ZNF518B: variants seen among roughly 807,000 people sequenced by gnomAD.
ZNF518B encodes the protein zinc finger protein 518B.
Under a neutral mutation model 56.3 loss-of-function variants are expected in ZNF518B, and 23 were observed. That is an observed-to-expected ratio of 0.41 (90% CI 0.29 to 0.58). The LOEUF is 0.58. Ranked by LOEUF, ZNF518B falls within the 20% of genes least tolerant of loss-of-function variation. The pLI, the probability that ZNF518B is intolerant of heterozygous loss-of-function variation, is 0.32. For missense variants in ZNF518B, 1,460 were observed against 1,272.1 expected, an observed-to-expected ratio of 1.15 and a Z score of -2.25; for synonymous variants, 529 against 465.9, an observed-to-expected ratio of 1.14 and a Z score of -1.74.
chr4:10,442,328 TTA>T lies in ZNF518B; in HGVS notation c.*774_*775del, dbSNP rs1470826198. ...TGGTAAGGGCAAAGAGAAAATAGTT[TTA>T]GATATTTTCCTTTTGTAATCTCTTT... On this transcript the variant is annotated 3_prime_UTR_variant, in exon 3 of 3. Transcript: ENST00000326756. 3 of 152,234 alleles carry T rather than the reference TTA, an allele frequency of 2.0e-5. No homozygotes were observed. Among genetic ancestry groups the T allele is most frequent in the Admixed American group, 1.3e-4 (2 of 15,288 alleles). 9.4% of individuals were successfully genotyped at this position (152,234 alleles called of 1,614,324 possible).
intron 2 of ZNF518B, among the ~76,000 whole-genome samples, chr4:10,448,596 C>G (rs1037357141): frequency 6.6e-5 from 10 of 151,970 alleles, no homozygotes; most frequent in African/African-American, 2.4e-4. Context: ...CAGACTTGCT[C>G]TATCTTAAGT....
At chr4:10,459,513 C>G (rs554330961), upstream of ZNF518B, among the ~76,000 whole-genome samples, 1 of 152,214 alleles carries the variant, frequency 6.6e-6, no homozygotes, top group East Asian at 1.9e-4. Context: ...CTAATATCCC[C>G]CACCCCCAAC....
In ZNF518B at chr4:10,443,774, G is replaced by A; in HGVS notation, c.2555C>T (p.Ala852Val). ...PLRPKLRKES[A>V]VCSTIHRKTG... ...TTTTCTATGGATGGTGCTACAGACA[G>A]CACTCTCTTTTCTCAGTTTAGGCCG... Residue 852 changes from alanine (A) to valine (V), a missense_variant, in exon 3 of 3, where the codon GCT becomes GTT. By Grantham distance (64) the Ala-to-Val change is moderately conservative. Coordinates refer to ENST00000326756, the MANE Select transcript of ZNF518B (RefSeq NM_053042.3). 1 of 1,614,162 alleles carries A rather than the reference G, an allele frequency of 6.2e-7. No individual in the cohort carries two copies. The highest frequency in any genetic ancestry group is 8.5e-7 in the Non-Finnish European group (1 of 1,180,018).
intron 2 of ZNF518B, chr4:10,453,501 T>A (rs1295132688): frequency 6.6e-6 from 1 of 152,198 alleles, no homozygotes; most frequent in East Asian, 1.9e-4. Context: ...TTTCTTAACA[T>A]TTTAAGAAAA....
In ZNF518B at chr4:10,444,868, T is replaced by G; in HGVS notation, c.1461A>C (p.Ala487=). The change falls in exon 3 of 3, where the codon GCA becomes GCC. Residue 487 remains alanine (A), a synonymous_variant. Transcript: ENST00000326756. ...GTAAAACACTGTTTTTAAATACAGA[T>G]GCTAGAGAATGACCTTTTAAGGCAA... ...PSVALKGHSL[A]SVFKNSVLRS... is the part of the protein sequence containing the mutation. 6.2e-7 allele frequency: 1 copy of G among 1,613,828 alleles called. No homozygotes were observed.
In ZNF518B at chr4:10,443,744, C is replaced by A; in HGVS notation, c.2585G>T (p.Gly862Val). 1 of 1,614,172 alleles carries A rather than the reference C, an allele frequency of 6.2e-7. No individual in the cohort carries two copies. The highest frequency in any genetic ancestry group is 8.5e-7 in the Non-Finnish European group (1 of 1,180,032). The change falls in exon 3 of 3, where the codon GGC (glycine) becomes GTC (valine). Residue 862 changes from glycine to valine, a missense_variant. Gly to Val is a moderately radical substitution (Grantham distance 109, BLOSUM62 -3). Coordinates refer to ENST00000326756, the MANE Select transcript of ZNF518B (RefSeq NM_053042.3). ...AVCSTIHRKT[G>V]LLYGQQGSSE... ...GCTTCCTTGCTGTCCATACAAGAGG[C>A]CAGTTTTTCTATGGATGGTGCTACA...
Position 10,441,027 on chromosome 4 carries a change from A to G in ZNF518B, c.*2077T>C, listed in dbSNP as rs1004203578. 4 of 152,708 alleles carry G rather than the reference A, an allele frequency of 2.6e-5. No homozygotes were observed. The highest frequency in any genetic ancestry group is 9.6e-5 in the African/African-American group (4 of 41,550). The allele number at this position is 152,708 out of a possible 1,614,324, so 9.5% of individuals were successfully genotyped here. On this transcript the variant is annotated 3_prime_UTR_variant, in exon 3 of 3. Transcript: ENST00000326756. ...ATCTACTTCCTAAAAAGCACCAAAT[A>G]AAAATGCAGTAATAAAATGATCCAA...
At chr4:10,455,089 T>G (rs535540414) in intron 1 of ZNF518B, 101 bp from the exon 2 acceptor site, 58 of 152,372 alleles carry the variant, frequency 3.8e-4, no homozygotes, top group African/African-American at 1.4e-3. Flanking sequence ...GAAGTGGTTC[T>G]CAAGCAGGGG....
At position 10,444,669 on chromosome 4, in the gene ZNF518B, C is replaced by T. The variant is rs1381590220; in HGVS notation, c.1660G>A (p.Glu554Lys). Reference protein sequence around the residue: ...GLLPVSENDLESTSKVNIPVK... With the variant: ...GLLPVSENDLKSTSKVNIPVK... ...GGAATATTGACTTTACTTGTAGATT[C>T]CAAGTCATTTTCACTTACAGGCAAT... is the stretch of plus-strand genomic sequence containing the variant. Residue 554 changes from glutamate to lysine, a missense_variant, in exon 3 of 3, where the codon GAA becomes AAA. Transcript: ENST00000326756. 2.5e-6 allele frequency: 4 copies of T among 1,614,124 alleles called. No individual in the cohort carries two copies. The highest frequency in any genetic ancestry group is 3.4e-6 in the Non-Finnish European group (4 of 1,180,016).
chr4:10,443,262 C>A lies in ZNF518B; in HGVS notation c.3067G>T (p.Val1023Leu). Residue 1023 changes from valine to leucine, a missense_variant, in exon 3 of 3, where the codon GTA becomes TTA. Val to Leu is a conservative substitution (Grantham distance 32, BLOSUM62 1). Coordinates refer to ENST00000326756, the MANE Select transcript of ZNF518B (RefSeq NM_053042.3). Reference sequence around the variant, plus strand: ...GAATCATCAGGCAAGGAATCCACTACCTGGTAGTTGTTTTTATGAACTTTT... The same window carrying A: ...GAATCATCAGGCAAGGAATCCACTAACTGGTAGTTGTTTTTATGAACTTTT... ...LKKVHKNNYQVVDSLPDDSSQ... is the reference protein window; with the variant it reads ...LKKVHKNNYQLVDSLPDDSSQ... 1 of 1,614,192 alleles carries A rather than the reference C, an allele frequency of 6.2e-7. No individual in the cohort carries two copies. Among genetic ancestry groups the A allele is most frequent in the Non-Finnish European group, 8.5e-7 (1 of 1,180,036 alleles).
At chr4:10,452,532 T>C (rs940217996) in intron 2 of ZNF518B, 1 of 152,128 alleles carries the variant, frequency 6.6e-6, no homozygotes, top group African/African-American at 2.4e-5. Flanking sequence ...CTGCCAAAAT[T>C]TCCCCAGTAG....
rs757513435 is a variant in ZNF518B at position 10,445,494 on chromosome 4, G to T, written c.835C>A (p.Pro279Thr). 5 of 1,614,148 alleles carry T rather than the reference G, an allele frequency of 3.1e-6. No homozygotes were observed. The highest frequency in any genetic ancestry group is 4.2e-6 in the Non-Finnish European group (5 of 1,180,022). Residue 279 changes from proline to threonine, a missense_variant, in exon 3 of 3, where the codon CCT (proline) becomes ACT (threonine). By Grantham distance (38) the Pro-to-Thr change is conservative (BLOSUM62 -1). Transcript: ENST00000326756. ...KDKMHNIMLL[P>T]EPKEYQKDVV... Reference sequence around the variant, plus strand: ...TCTTTTTGGTATTCCTTTGGTTCAGGTAACAACATGATATTGTGCATTTTG... The same window carrying T: ...TCTTTTTGGTATTCCTTTGGTTCAGTTAACAACATGATATTGTGCATTTTG...
intron 1 of ZNF518B, 85 bp downstream of exon 1, chr4:10,457,232 G>C (rs1221187284): frequency 6.6e-6 from 1 of 150,552 alleles, no homozygotes; most frequent in Non-Finnish European, 1.5e-5. Context: ...CCCGCCCCGC[G>C]CGCCCCCACG....
At chr4:10,454,271 T>C (rs1235843048) in intron 2 of ZNF518B, 1 of 152,266 alleles carries the variant, frequency 6.6e-6, no homozygotes, top group Non-Finnish European at 1.5e-5. Flanking sequence ...ACACCAATGA[T>C]GCTCTCTGTA....
chr4:10,460,324 CCAAA>C (rs1477907496), upstream of ZNF518B, among the ~76,000 whole-genome samples: 2 of 17,398 alleles, frequency 1.1e-4, no homozygotes, highest in African/African-American at 5.2e-4. Flanking sequence ...AAAAAAAAAA[CCAAA>C]AAAAAAAAAA....
At position 10,453,296 on chromosome 4, in the gene ZNF518B, A is replaced by C. The variant is rs184286963; in HGVS notation, c.-212+1509T>G. The C allele has an allele frequency of 5.3e-5, 8 of 152,312 alleles. No homozygotes were observed. The East Asian group carries it at 1.5e-3, about 29-fold the overall frequency. The allele number at this position is 152,312 out of a possible 1,614,324, so 9.4% of individuals were successfully genotyped here. A position where few individuals can be genotyped will look rare whatever the true frequency, so the allele number is the denominator to read the frequency against. ...TAGAAGAGTCCAGTAATGTCCAGAGAAGCAGACACTGGTTAGCTTAACAAA... is the reference window on the plus strand; with the variant it reads ...TAGAAGAGTCCAGTAATGTCCAGAGCAGCAGACACTGGTTAGCTTAACAAA... On this transcript the variant is annotated intron_variant, in intron 2 of 2. Coordinates refer to ENST00000326756, the MANE Select transcript of ZNF518B (RefSeq NM_053042.3).
intron 2 of ZNF518B, chr4:10,453,656 A>G (rs1234184952): frequency 6.6e-6 from 1 of 152,250 alleles, no homozygotes; most frequent in Non-Finnish European, 1.5e-5. Flanking sequence ...GCATATTACA[A>G]AATTTTATGT....
At position 10,445,703 on chromosome 4, in the gene ZNF518B, G is replaced by A. The variant is rs199541568; in HGVS notation, c.626C>T (p.Thr209Met). The A allele has an allele frequency of 2.8e-4, 460 of 1,614,086 alleles. 1 individual carries two copies. The highest frequency in any genetic ancestry group is 1.8e-3 in the Middle Eastern group (11 of 6,062). ...AIRNDYIVKH[T>M]KRVHERAGAK... is the part of the protein sequence containing the mutation. ...ACCTGCCCTTTCATGTACTCTCTTCGTGTGTTTGACAATATAATCATTTCT... is the reference window on the plus strand; with the variant it reads ...ACCTGCCCTTTCATGTACTCTCTTCATGTGTTTGACAATATAATCATTTCT... The change falls in exon 3 of 3, where the codon ACG (threonine) becomes ATG (methionine). Residue 209 changes from threonine to methionine, a missense_variant. Transcript: ENST00000326756.
In ZNF518B at chr4:10,444,987, G is replaced by C; in HGVS notation, c.1342C>G (p.His448Asp). 1.7e-5 allele frequency: 28 copies of C among 1,614,022 alleles called. No individual in the cohort carries two copies. Among genetic ancestry groups the C allele is most frequent in the Non-Finnish European group, 2.3e-5 (27 of 1,179,998 alleles). The change falls in exon 3 of 3, where the codon CAC (histidine) becomes GAC (aspartate). Residue 448 changes from histidine (H) to aspartate (D), a missense_variant. Physicochemically the swap from His to Asp is moderately conservative, Grantham distance 81 (BLOSUM62 -1). Transcript: ENST00000326756. Reference protein sequence around the residue: ...YDFIMPNSSVHNNGKSFINSE... With the variant: ...YDFIMPNSSVDNNGKSFINSE... ...TTAATGAAGGATTTTCCATTGTTGT[G>C]CACACTAGAATTTGGCATAATAAAA...
Sources: allele counts gnomAD v4.1 joint callset (sites outside exome capture counted in the v4.1 genomes callset), GRCh38; gene constraint gnomAD v4.1.1; transcripts MANE v1.5; gene names NCBI Gene and HGNC (gene_info 2026-07-23, HGNC 2026-07-21).